SNX25: variants seen among roughly 807,000 people sequenced by gnomAD.
The protein encoded by SNX25 is sorting nexin 25, also known as sorting nexin-25.
SNX25 carries 62 observed loss-of-function variants against 113.7 expected under a neutral mutation model. The observed-to-expected ratio is 0.55, with a 90% CI of 0.44 to 0.67. The LOEUF (loss-of-function observed/expected upper bound fraction) is 0.67. Ranked by LOEUF, SNX25 falls within the 30% of genes least tolerant of loss-of-function variation. The pLI is 0.00. For missense variants in SNX25, 1,014 were observed against 1,161.0 expected, an observed-to-expected ratio of 0.87 and a Z score of 1.84; for synonymous variants, 421 against 436.2, an observed-to-expected ratio of 0.97 and a Z score of 0.43.
chr4:185,247,259 G>T, intron 1 of SNX25, 35 bp from the exon 2 acceptor site: 1 of 1,382,724 alleles, frequency 7.2e-7, no homozygotes, highest in Non-Finnish European at 1.0e-6. Context: ...TATTCATTCA[G>T]TAATCTGCTT....
Position 185,204,468 on chromosome 4 carries a change from G to C in SNX25, c.-64+1G>C, listed in dbSNP as rs1166192776. 1 of 152,258 alleles carries C rather than the reference G, an allele frequency of 6.6e-6. No homozygotes were observed. 9.4% of individuals were successfully genotyped at this position (152,258 alleles called of 1,614,324 possible). On this transcript the variant is annotated splice_donor_variant, in intron 1 of 18. Transcript: ENST00000504273. LOFTEE classifies it low-confidence loss of function (5UTR_SPLICE). ...AGACCTTTGCCGAGTGGTAAACGAG[G>C]TGGGTAGTTAAAACAATCTAAGGTA...
chr4:185,375,490 A>ATATATATATATG, the SNX25 span: 3 of 49,098 alleles, frequency 6.1e-5, no homozygotes, highest in African/African-American at 1.4e-4. Context: ...AAAAAAAAAT[A>ATATATATATATG]TATATATATA....
chr4:185,286,487 A>C (rs1346003027), intron 5 of SNX25, among the ~76,000 whole-genome samples: 1 of 152,234 alleles, frequency 6.6e-6, no homozygotes, highest in African/African-American at 2.4e-5. Context: ...TTTACACAGA[A>C]AAATGAGGGA....
intron 11 of SNX25, among the ~76,000 whole-genome samples, chr4:185,340,619 G>C (rs1285330218): frequency 1.3e-5 from 2 of 152,220 alleles, no homozygotes; most frequent in Non-Finnish European, 2.9e-5. Context: ...GGCAAAAGCT[G>C]CTACAAGAGG....
chr4:185,295,652 G>A (rs541045554), intron 6 of SNX25, among the ~76,000 whole-genome samples: 38 of 152,124 alleles, frequency 2.5e-4, no homozygotes, highest in South Asian at 1.0e-3. Context: ...GTTTCACCAC[G>A]TTGCTCAGGC....
intron 7 of SNX25, among the ~76,000 whole-genome samples, chr4:185,315,292 ATTTTTTT>A (rs56655112): frequency 8.4e-6 from 1 of 119,384 alleles, no homozygotes; most frequent in African/African-American, 3.3e-5. Flanking sequence ...TTCACTGGTG[ATTTTTTT>A]TTTTTTTTTT....
intron 3 of SNX25, among the ~76,000 whole-genome samples, chr4:185,262,257 T>C (rs956558916): frequency 6.6e-6 from 1 of 152,218 alleles, no homozygotes; most frequent in African/African-American, 2.4e-5. Flanking sequence ...ATCATTCTAT[T>C]GCTGCTTTAA....
intron 2 of SNX25, among the ~76,000 whole-genome samples, chr4:185,252,007 T>G (rs979496905): frequency 1.3e-5 from 2 of 152,126 alleles, no homozygotes; most frequent in African/African-American, 2.4e-5. Flanking sequence ...TCACAATTTT[T>G]TTTACCTGTC....
chr4:185,247,043 A>G (rs1360731173), intron 1 of SNX25, among the ~76,000 whole-genome samples: 1 of 152,098 alleles, frequency 6.6e-6, no homozygotes, highest in African/African-American at 2.4e-5. Flanking sequence ...ACTCCCTACC[A>G]TTGTGTTGAT....
chr4:185,256,723 T>C (rs1181337746), intron 2 of SNX25, among the ~76,000 whole-genome samples: 2 of 148,662 alleles, frequency 1.3e-5, no homozygotes, highest in Non-Finnish European at 3.0e-5. Flanking sequence ...CCTCCCAGGC[T>C]CAAATGATCC....
At chr4:185,258,459 C>T (rs1746762156) in intron 2 of SNX25, among the ~76,000 whole-genome samples, 1 of 152,144 alleles carries the variant, frequency 6.6e-6, no homozygotes, top group African/African-American at 2.4e-5. Flanking sequence ...TTGCAGGGCC[C>T]AGCTCCAGTA....
intron 13 of SNX25, among the ~76,000 whole-genome samples, chr4:185,348,030 A>G (rs72712005): frequency 2.6e-4 from 40 of 152,332 alleles, no homozygotes; most frequent in Non-Finnish European, 5.0e-4. Flanking sequence ...GCCTACTCCA[A>G]GGCCCTGAAG....
At chr4:185,229,104 G>T (rs1003443274) in intron 1 of SNX25, among the ~76,000 whole-genome samples, 1 of 152,120 alleles carries the variant, frequency 6.6e-6, no homozygotes, top group East Asian at 1.9e-4. Context: ...AACGCCCGCG[G>T]TGTGGTTGTG....
chr4:185,276,026 C>T lies in SNX25; in HGVS notation c.1091+8871C>T, dbSNP rs138293845. Among the ~76,000 whole-genome samples the T allele has an allele frequency of 7.2e-3, 1,089 of 152,136 alleles. 16 individuals are homozygous for T. Among genetic ancestry groups the T allele is most frequent in the African/African-American group, 0.025 (1,026 of 41,524 alleles). On this transcript the variant is annotated intron_variant, in intron 5 of 18. Transcript: ENST00000652585. ...CCTTCAGTTGGTGTCTGAGAAATAG[C>T]AGAGGGCACATATCAGAGAACACAC...
chr4:185,208,132 G>A (rs1229216425), upstream of SNX25, among the ~76,000 whole-genome samples: 1 of 151,920 alleles, frequency 6.6e-6, no homozygotes, highest in Admixed American at 6.6e-5. Flanking sequence ...TTTTTGAGAC[G>A]AAGTCTCACT....
chr4:185,310,531 A>G (rs1560996623), intron 6 of SNX25, 104 bp from the exon 7 acceptor site: 1 of 881,996 alleles, frequency 1.1e-6, no homozygotes, highest in Non-Finnish European at 1.7e-6. Context: ...TTTAGTATCC[A>G]CTTGGTTCAG....
chr4:185,226,596 A>C (rs979945532), intron 1 of SNX25, among the ~76,000 whole-genome samples: 2 of 152,172 alleles, frequency 1.3e-5, no homozygotes, highest in Admixed American at 1.3e-4. Flanking sequence ...GATTACAGGC[A>C]TGTGCCACCA....
chr4:185,372,785 TTC>T (rs1269796451), downstream of SNX25: 4 of 1,316,698 alleles, frequency 3.0e-6, no homozygotes, highest in African/African-American at 2.9e-5. Flanking sequence ...AGAAATAAAT[TTC>T]TGTTTCTCAT....
At chr4:185,270,538 C>T (rs1470502420) in intron 5 of SNX25, among the ~76,000 whole-genome samples, 3 of 152,190 alleles carry the variant, frequency 2.0e-5, no homozygotes, top group African/African-American at 7.2e-5. Context: ...AGATATAATT[C>T]ACGTACCATA....
Sources: gnomAD v4.1 joint callset for allele counts (sites outside exome capture counted in the v4.1 genomes callset) on GRCh38, gnomAD v4.1.1 for gene constraint, MANE v1.5 for transcripts, NCBI Gene and HGNC (gene_info 2026-07-23, HGNC 2026-07-21) for gene names.